CMTM4: variants seen among roughly 807,000 people sequenced by gnomAD.
CMTM4 encodes the protein CKLF like MARVEL transmembrane domain containing 4.
In CMTM4, 8 loss-of-function variants were observed where a neutral mutation model predicts 19.0. The observed-to-expected ratio is 0.42, with a 90% confidence interval of 0.25 to 0.76. CMTM4 has a LOEUF of 0.76. CMTM4 is among the 30% of genes least tolerant of loss of function. The pLI is 0.27. For synonymous variants in CMTM4, 106 were observed against 121.1 expected (o/e 0.88, Z 0.82); for missense variants, 228 against 290.2 (o/e 0.79, Z 1.56).
At chr16:66,600,918 TGGGTAGAG>T in the CMTM4 span, among the ~76,000 whole-genome samples, 2 of 152,144 alleles carry the variant, frequency 1.3e-5, no homozygotes, top group Non-Finnish European at 2.9e-5. Context: ...AGAAGCATTC[TGGGTAGAG>T]GGGTCAGCAT....
At chr16:66,602,884 C>T in the CMTM4 span, among the ~76,000 whole-genome samples, 1 of 152,198 alleles carries the variant, frequency 6.6e-6, no homozygotes, top group South Asian at 2.1e-4. Context: ...CCCGTTCACT[C>T]AGTAGTGAGC....
At chr16:66,641,510 T>G (rs1765215306) in intron 1 of CMTM4, among the ~76,000 whole-genome samples, 1 of 152,216 alleles carries the variant, frequency 6.6e-6, no homozygotes, top group South Asian at 2.1e-4. Flanking sequence ...TTTTTATCAT[T>G]TAGTTCCCCA....
chr16:66,674,957 G>A (rs1370697704), intron 1 of CMTM4, among the ~76,000 whole-genome samples: 2 of 151,798 alleles, frequency 1.3e-5, no homozygotes, highest in Non-Finnish European at 2.9e-5. Flanking sequence ...TGGGCCGGCT[G>A]GTCTCAAACT....
intron 1 of CMTM4, among the ~76,000 whole-genome samples, chr16:66,656,974 G>A (rs1342485819): frequency 6.6e-6 from 1 of 151,942 alleles, no homozygotes; most frequent in Admixed American, 6.6e-5. Context: ...ACAACTAAAT[G>A]ACAACATGAT....
At chr16:66,606,675 C>A in the CMTM4 span, among the ~76,000 whole-genome samples, 12 of 152,302 alleles carry the variant, frequency 7.9e-5, no homozygotes, top group Non-Finnish European at 1.5e-4. Flanking sequence ...GCCTCCCCAA[C>A]ACCCACAGGG....
In CMTM4 at chr16:66,617,073, T is replaced by C. The variant is rs1259227842; in HGVS notation, c.*4985A>G. On this transcript the variant is annotated 3_prime_UTR_variant, in exon 4 of 4. Transcript: ENST00000394106. ...TGTTCTTACTCCTAAACTCAAACTT[T>C]AAAAGTTTCAATAGCTCCCTGGGGG... is the stretch of plus-strand genomic sequence containing the variant. The C allele has an allele frequency of 1.5e-5, 7 of 473,222 alleles. No individual in the cohort carries two copies. The highest frequency in any genetic ancestry group is 2.6e-5 in the Non-Finnish European group (7 of 269,430). The allele number at this position is 473,222 out of a possible 1,614,324, so 29.3% of individuals were successfully genotyped here. A position where few individuals can be genotyped will look rare whatever the true frequency, so the allele number is the denominator to read the frequency against.
At chr16:66,604,125 T>G in the CMTM4 span, 1 of 145,966 alleles carries the variant, frequency 6.9e-6, no homozygotes, top group Non-Finnish European at 1.5e-5. Flanking sequence ...CTGTGTGTGT[T>G]TGCGCGCGCG....
intron 1 of CMTM4, among the ~76,000 whole-genome samples, chr16:66,639,082 C>T (rs1303592897): frequency 6.6e-6 from 1 of 152,190 alleles, no homozygotes; most frequent in African/African-American, 2.4e-5. Flanking sequence ...TAAATATACA[C>T]ACTGTGCTTC....
At chr16:66,680,717 T>C (rs568688501) in intron 1 of CMTM4, among the ~76,000 whole-genome samples, 110 of 132,104 alleles carry the variant, frequency 8.3e-4, no homozygotes, top group African/African-American at 3.0e-3. Context: ...GAGCTTGCAG[T>C]GAGCCGAGAT....
intron 1 of CMTM4, among the ~76,000 whole-genome samples, chr16:66,675,437 T>G: frequency 7.0e-6 from 1 of 142,020 alleles, no homozygotes; most frequent in African/African-American, 2.7e-5. Context: ...TGAGACACAA[T>G]GGTAGACTTT....
the CMTM4 span, chr16:66,605,042 G>C: frequency 8.3e-7 from 1 of 1,209,106 alleles, no homozygotes; most frequent in Admixed American, 4.2e-5. The surrounding 1 kb of genome is among the most constrained non-coding windows in gnomAD (Gnocchi z 4.6). Flanking sequence ...GTCCGGGGGC[G>C]GCCGCCGTGC....
In CMTM4 at chr16:66,637,863, G is replaced by T. The variant is rs1268198954; in HGVS notation, c.187-1282C>A. ...GGAAGCAGAGGCAGGCAGCTCTGTGGTCCTCTAGAGACTTGTCCTTTAGAG... is the reference window on the plus strand; with the variant it reads ...GGAAGCAGAGGCAGGCAGCTCTGTGTTCCTCTAGAGACTTGTCCTTTAGAG... On this transcript the variant is annotated intron_variant, in intron 1 of 3. Coordinates refer to ENST00000394106, the MANE Select transcript of CMTM4 (RefSeq NM_181521.3). 3.9e-5 allele frequency among the ~76,000 whole-genome samples: 6 copies of T among 152,302 alleles called. No homozygotes were observed. The East Asian group carries it at 1.2e-3, about 29-fold the overall frequency.
intron 2 of CMTM4, among the ~76,000 whole-genome samples, chr16:66,628,775 T>C (rs1410183887): frequency 2.0e-5 from 3 of 152,242 alleles, no homozygotes; most frequent in African/African-American, 7.2e-5. Context: ...TTTATTCATG[T>C]TGTAGCATGT....
the CMTM4 span, among the ~76,000 whole-genome samples, chr16:66,600,136 G>GTGGTTTTTTTTTTT: frequency 7.4e-6 from 1 of 135,154 alleles, no homozygotes; most frequent in African/African-American, 2.9e-5. Flanking sequence ...GTGTGTGTGT[G>GTGGTTTTTTTTTTT]TTTTTTTTTG....
chr16:66,609,874 T>C (rs1249770733), downstream of CMTM4: 2 of 1,614,076 alleles, frequency 1.2e-6, no homozygotes, highest in East Asian at 2.2e-5. This position sits in a 1 kb window ranked among gnomAD's most constrained non-coding sequence, Gnocchi z 4.4. Flanking sequence ...CCATCCACCC[T>C]GTCCACAGGT....
At chr16:66,625,851 C>T (rs1443501592) in intron 2 of CMTM4, among the ~76,000 whole-genome samples, 1 of 152,178 alleles carries the variant, frequency 6.6e-6, no homozygotes, top group African/African-American at 2.4e-5. Flanking sequence ...TAAACTAATT[C>T]ATATAAGATA....
At chr16:66,657,188 G>A (rs562459029) in intron 1 of CMTM4, among the ~76,000 whole-genome samples, 27 of 151,488 alleles carry the variant, frequency 1.8e-4, no homozygotes, top group African/African-American at 5.8e-4. Context: ...AGGTTCATGC[G>A]GTTCTCCTGC....
chr16:66,610,500 T>C (rs914492602), downstream of CMTM4, among the ~76,000 whole-genome samples: 2 of 151,880 alleles, frequency 1.3e-5, no homozygotes, highest in African/African-American at 2.4e-5. This position sits in a 1 kb window ranked among gnomAD's most constrained non-coding sequence, Gnocchi z 4.6. Flanking sequence ...CAGGAGCCGA[T>C]AGAGGGAGGG....
downstream of CMTM4, among the ~76,000 whole-genome samples, chr16:66,612,449 G>A (rs887678332): frequency 6.6e-6 from 1 of 152,006 alleles, no homozygotes; most frequent in Non-Finnish European, 1.5e-5. The surrounding 1 kb of genome is among the most constrained non-coding windows in gnomAD (Gnocchi z 6.0). Context: ...CAGGCCCGCG[G>A]CCTGCCCTGA....
Sources: gnomAD v4.1 joint callset for allele counts (sites outside exome capture counted in the v4.1 genomes callset) on GRCh38, gnomAD v4.1.1 for gene constraint, Gnocchi (gnomAD v3.1) non-coding constraint, MANE v1.5 for transcripts, NCBI Gene and HGNC (gene_info 2026-07-23, HGNC 2026-07-21) for gene names.